Variants in SH3PXD2B observed in about 807,000 individuals in gnomAD.
The protein encoded by SH3PXD2B is SH3 and PX domain-containing protein 2B.
SH3PXD2B carries 37 observed loss-of-function variants against 73.1 expected under a neutral mutation model. The observed-to-expected ratio is 0.51, with a 90% CI of 0.39 to 0.67. The LOEUF is 0.67. Among genes scored for constraint, SH3PXD2B ranks in the 30% least tolerant of loss-of-function variants. The pLI, the probability that SH3PXD2B is intolerant of heterozygous loss-of-function variation, is 0.00. For missense variants in SH3PXD2B, 1,053 were observed against 1,197.8 expected (o/e 0.88, Z 1.78); for synonymous variants, 457 against 480.5 (o/e 0.95, Z 0.64).
chr5:172,396,599 A>T (rs1355561887), intron 3 of SH3PXD2B, among the ~76,000 whole-genome samples: 2 of 150,280 alleles, frequency 1.3e-5, no homozygotes, highest in Admixed American at 6.7e-5. Context: ...AGGTAAATTT[A>T]AAAAAAGAGA....
chr5:172,376,850 G>C (rs987973893), intron 5 of SH3PXD2B, among the ~76,000 whole-genome samples: 4 of 152,208 alleles, frequency 2.6e-5, no homozygotes, highest in African/African-American at 9.6e-5. Flanking sequence ...CTGACGCCCA[G>C]AGAGGTGAGG....
intron 5 of SH3PXD2B, among the ~76,000 whole-genome samples, chr5:172,374,704 C>G (rs550769004): frequency 6.6e-6 from 1 of 152,144 alleles, no homozygotes; most frequent in African/African-American, 2.4e-5. Flanking sequence ...GGGAAAGCAA[C>G]TGTATCACAA....
chr5:172,353,776 G>A lies in SH3PXD2B; in HGVS notation c.785+112C>T, dbSNP rs948389456. ...CTTTTATGGTTCAGGCGGAAACTTC[G>A]CCCAGATGCAATCACTTACCGACCT... On this transcript the variant is annotated intron_variant, in intron 9 of 12. Transcript: ENST00000311601. The surrounding 1 kb of genome is among the most constrained non-coding windows in gnomAD (Gnocchi z 4.3). 58 of 844,298 alleles carry A rather than the reference G, an allele frequency of 6.9e-5. No homozygotes were observed. Among genetic ancestry groups the A allele is most frequent in the Non-Finnish European group, 9.9e-5 (48 of 483,674 alleles). 52.3% of individuals were successfully genotyped at this position (844,298 alleles called of 1,614,324 possible).
chr5:172,423,787 C>A (rs146798468), intron 1 of SH3PXD2B, among the ~76,000 whole-genome samples: 2 of 152,068 alleles, frequency 1.3e-5, no homozygotes, highest in Non-Finnish European at 2.9e-5. Flanking sequence ...GGATTACAGG[C>A]GAGCGCTACC....
At chr5:172,419,736 C>T (rs1031439623) in intron 2 of SH3PXD2B, among the ~76,000 whole-genome samples, 2 of 152,168 alleles carry the variant, frequency 1.3e-5, no homozygotes, top group Non-Finnish European at 2.9e-5. Flanking sequence ...CCCAAGCTAG[C>T]TGAGTGGGCT....
Position 172,337,215 on chromosome 5 carries a change from G to A in SH3PXD2B, c.*1154C>T. 1 of 985,554 alleles carries A rather than the reference G, an allele frequency of 1.0e-6. No homozygotes were observed. Among genetic ancestry groups the A allele is most frequent in the Non-Finnish European group, 1.2e-6 (1 of 830,018 alleles). 61.1% of individuals were successfully genotyped at this position (985,554 alleles called of 1,614,324 possible). A position where few individuals can be genotyped will look rare whatever the true frequency, so the allele number is the denominator to read the frequency against. Reference sequence around the variant, plus strand: ...CTGCTGTGGGCTGGAGGGATGGTGGGTGTGGGAGCAGCCACGAATGCCCCC... The same window carrying A: ...CTGCTGTGGGCTGGAGGGATGGTGGATGTGGGAGCAGCCACGAATGCCCCC... On this transcript the variant is annotated 3_prime_UTR_variant, in exon 13 of 13. Coordinates refer to ENST00000311601, the MANE Select transcript of SH3PXD2B (RefSeq NM_001017995.3).
chr5:172,355,055 A>ATC (rs1225006300), intron 8 of SH3PXD2B, among the ~76,000 whole-genome samples: 1 of 152,224 alleles, frequency 6.6e-6, no homozygotes, highest in African/African-American at 2.4e-5. Context: ...GTGTGTCTCA[A>ATC]GGGAGCCCAG....
chr5:172,372,049 G>C (rs1027465819), intron 6 of SH3PXD2B, among the ~76,000 whole-genome samples: 1 of 152,238 alleles, frequency 6.6e-6, no homozygotes, highest in Admixed American at 6.5e-5. Context: ...GAGGCAGAGA[G>C]AATGACTGTG....
intron 1 of SH3PXD2B, among the ~76,000 whole-genome samples, chr5:172,423,148 A>G (rs1759010514): frequency 6.6e-6 from 1 of 152,182 alleles, no homozygotes; most frequent in South Asian, 2.1e-4. Flanking sequence ...ACAGAAAACA[A>G]TACATTGATA....
intron 1 of SH3PXD2B, among the ~76,000 whole-genome samples, chr5:172,435,422 G>GT (rs1232998169): frequency 3.0e-5 from 4 of 132,090 alleles, no homozygotes; most frequent in African/African-American, 1.0e-4. Context: ...GTATCTGGAG[G>GT]TATTTGTTTG....
Position 172,336,642 on chromosome 5 carries a change from A to G in SH3PXD2B, c.*1727T>C. On this transcript the variant is annotated 3_prime_UTR_variant, in exon 13 of 13. Transcript: ENST00000311601. ...AAAAAACTGGCTTTGTGGGTCCAAA[A>G]GTATCTCGCCTGATGAACACTGTGA... 2 of 969,162 alleles carry G rather than the reference A, an allele frequency of 2.1e-6. No individual in the cohort carries two copies. The highest frequency in any genetic ancestry group is 7.2e-5 in the Admixed American group (1 of 13,956). The allele number at this position is 969,162 out of a possible 1,614,324, so 60.0% of individuals were successfully genotyped here. A position where few individuals can be genotyped will look rare whatever the true frequency, so the allele number is the denominator to read the frequency against.
chr5:172,431,493 C>T (rs918985275), intron 1 of SH3PXD2B, among the ~76,000 whole-genome samples: 2 of 152,256 alleles, frequency 1.3e-5, no homozygotes, highest in Non-Finnish European at 2.9e-5. Context: ...CTGGGCCTTT[C>T]AGCTAATTCT....
chr5:172,366,152 CTG>C (rs1490767667), intron 6 of SH3PXD2B, among the ~76,000 whole-genome samples: 1 of 152,190 alleles, frequency 6.6e-6, no homozygotes, highest in Non-Finnish European at 1.5e-5. Context: ...CAGGGAGTGG[CTG>C]TGAGGATTTC....
At chr5:172,420,385 T>C (rs1758934588) in intron 2 of SH3PXD2B, among the ~76,000 whole-genome samples, 1 of 152,236 alleles carries the variant, frequency 6.6e-6, no homozygotes, top group African/African-American at 2.4e-5. Context: ...GTTTGTTATG[T>C]AGGCGTTTCG....
At chr5:172,349,583 A>T (rs1027758521) in intron 10 of SH3PXD2B, among the ~76,000 whole-genome samples, 1 of 152,166 alleles carries the variant, frequency 6.6e-6, no homozygotes, top group African/African-American at 2.4e-5. Flanking sequence ...GGCCACATGG[A>T]GCAATAGAGA....
chr5:172,369,453 C>T (rs756959131), intron 6 of SH3PXD2B, among the ~76,000 whole-genome samples: 9 of 152,028 alleles, frequency 5.9e-5, no homozygotes, highest in Non-Finnish European at 1.0e-4. Flanking sequence ...CAGTAAGTGT[C>T]TGAATGAAGG....
At chr5:172,332,050 G>T (rs1467825104), downstream of SH3PXD2B, among the ~76,000 whole-genome samples, 1 of 152,144 alleles carries the variant, frequency 6.6e-6, no homozygotes, top group Admixed American at 6.6e-5. Flanking sequence ...TAGTGAGAGG[G>T]CAAGTAGACT....
chr5:172,326,202 C>T (rs924590587), intron 12 of SH3PXD2B, among the ~76,000 whole-genome samples: 6 of 152,222 alleles, frequency 3.9e-5, no homozygotes, highest in African/African-American at 7.2e-5. Flanking sequence ...TAGTAACTAA[C>T]ATGCACCACC....
chr5:172,454,447 G>T lies in SH3PXD2B; in HGVS notation c.-95C>A. The T allele has an allele frequency of 1.4e-6, 1 of 720,278 alleles. No homozygotes were observed. Among genetic ancestry groups the T allele is most frequent in the Non-Finnish European group, 1.8e-6 (1 of 557,990 alleles). The allele number at this position is 720,278 out of a possible 1,614,324, so 44.6% of individuals were successfully genotyped here. On this transcript the variant is annotated 5_prime_UTR_variant, in exon 1 of 13. Coordinates refer to ENST00000311601, the MANE Select transcript of SH3PXD2B (RefSeq NM_001017995.3). ...CGCGCCGCCGCGGGCAGGGAACCTGGAGCTGAGCGCAATCGCAGCCGGGGC... is the reference window on the plus strand; with the variant it reads ...CGCGCCGCCGCGGGCAGGGAACCTGTAGCTGAGCGCAATCGCAGCCGGGGC...
Sources: allele counts gnomAD v4.1 joint callset (sites outside exome capture counted in the v4.1 genomes callset), GRCh38; gene constraint gnomAD v4.1.1; non-coding constraint Gnocchi (gnomAD v3.1); transcripts MANE v1.5; gene names NCBI Gene and HGNC (gene_info 2026-07-23, HGNC 2026-07-21).